Variants in NRG1 observed in about 807,000 individuals in gnomAD.
NRG1 encodes the protein neuregulin 1.
NRG1 carries 18 observed loss-of-function variants against 63.8 expected under a neutral mutation model. That is an observed-to-expected ratio of 0.28 (90% CI 0.19 to 0.42). The LOEUF (loss-of-function observed/expected upper bound fraction) is 0.42, where lower values mean the gene tolerates loss of function less well. Among genes scored for constraint, NRG1 ranks in the 10% least tolerant of loss-of-function variants. The probability of loss-of-function intolerance (pLI) is 1.00; values close to 1 mark genes in which losing one functional copy is unlikely to be tolerated. For missense variants in NRG1, 762 were observed against 814.7 expected, an observed-to-expected ratio of 0.94 and a Z score of 0.79; for synonymous variants, 302 against 301.3, an observed-to-expected ratio of 1.00 and a Z score of -0.02.
chr8:32,367,321 T>G (rs1808201015), intron 1 of NRG1, among the ~76,000 whole-genome samples: 1 of 152,218 alleles, frequency 6.6e-6, no homozygotes. Flanking sequence ...TTCTGTCTTT[T>G]TGATAATATC....
At chr8:32,422,966 C>T in intron 1 of NRG1, among the ~76,000 whole-genome samples, 1 of 152,230 alleles carries the variant, frequency 6.6e-6, no homozygotes, top group East Asian at 1.9e-4. Context: ...CATTTACACT[C>T]TCCATGTGTG....
At chr8:32,363,765 A>G (rs1365708633) in intron 1 of NRG1, among the ~76,000 whole-genome samples, 2 of 152,150 alleles carry the variant, frequency 1.3e-5, no homozygotes, top group Non-Finnish European at 2.9e-5. Flanking sequence ...AGAATAGTCG[A>G]AAACTTTAGA....
chr8:32,759,324 G>A (rs369756255), exon 10 of NRG1: 58 of 1,613,304 alleles, frequency 3.6e-5, no homozygotes, highest in Admixed American at 6.7e-5. Context: ...ATCTAAAAAC[G>A]TCATCTCCAG....
chr8:32,519,571 T>A (rs1046780220), intron 1 of NRG1, among the ~76,000 whole-genome samples: 6 of 152,106 alleles, frequency 3.9e-5, no homozygotes, highest in Non-Finnish European at 8.8e-5. Context: ...CAAACCAGAT[T>A]TCCCCTGGGA....
At position 32,637,535 on chromosome 8, in the gene NRG1, C is replaced by T. The variant is rs144872340; in HGVS notation, c.502+20650C>T. ...TCCAAATTAAAAGAGGATGTAACCT[C>T]GGCTTCCTGATTCCCAGATACTGAT... On this transcript the variant is annotated intron_variant, in intron 5 of 11. Transcript: ENST00000356819. 7.8e-3 allele frequency among the ~76,000 whole-genome samples: 1,180 copies of T among 152,206 alleles called. 6 individuals are homozygous for T. Among genetic ancestry groups the T allele is most frequent in the Middle Eastern group, 0.024 (7 of 294 alleles).
chr8:31,674,166 AT>A (rs1012132308), intron 1 of NRG1, among the ~76,000 whole-genome samples: 10 of 152,188 alleles, frequency 6.6e-5, no homozygotes, highest in Non-Finnish European at 1.2e-4. Context: ...CATTTTATTT[AT>A]CCATTTACCA....
At chr8:32,378,373 T>C (rs781538289) in intron 1 of NRG1, among the ~76,000 whole-genome samples, 2 of 152,134 alleles carry the variant, frequency 1.3e-5, no homozygotes, top group Non-Finnish European at 2.9e-5. Context: ...GGCGCTTCCA[T>C]TTACTCACTG....
At chr8:32,749,301 T>C (rs1828208996) in intron 7 of NRG1, 4 of 524,366 alleles carry the variant, frequency 7.6e-6, no homozygotes, top group Non-Finnish European at 1.3e-5. Context: ...AACTTCTCCC[T>C]CAGTAAGGTC....
At chr8:31,931,790 G>T in intron 1 of NRG1, among the ~76,000 whole-genome samples, 1 of 152,274 alleles carries the variant, frequency 6.6e-6, no homozygotes, top group African/African-American at 2.4e-5. Context: ...TGATGGTGGG[G>T]TCCAAGGGCA....
At chr8:32,273,226 C>T (rs1395929366) in intron 1 of NRG1, among the ~76,000 whole-genome samples, 1 of 152,052 alleles carries the variant, frequency 6.6e-6, no homozygotes, top group African/African-American at 2.4e-5. Flanking sequence ...GTTTGTTTTT[C>T]TTTCTGAGTC....
At chr8:32,170,228 G>A (rs928847479) in intron 1 of NRG1, among the ~76,000 whole-genome samples, 2 of 152,134 alleles carry the variant, frequency 1.3e-5, no homozygotes, top group Admixed American at 6.5e-5. Context: ...ACAAATCCTA[G>A]GAATTTGATA....
intron 1 of NRG1, among the ~76,000 whole-genome samples, chr8:31,906,006 A>G (rs1832490309): frequency 6.6e-6 from 1 of 152,234 alleles, no homozygotes. Context: ...ATTAGCCATT[A>G]GCCTTGTAAC....
intron 1 of NRG1, among the ~76,000 whole-genome samples, chr8:32,421,170 A>G (rs34645669): frequency 6.6e-6 from 1 of 152,168 alleles, no homozygotes; most frequent in Admixed American, 6.5e-5. Context: ...TGTGAAGTAC[A>G]ACAATTTTTT....
At chr8:32,269,299 G>A (rs1851305715) in intron 1 of NRG1, among the ~76,000 whole-genome samples, 1 of 152,104 alleles carries the variant, frequency 6.6e-6, no homozygotes, top group African/African-American at 2.4e-5. Context: ...TTTTTAAATA[G>A]GCTGATCAGT....
At chr8:32,087,618 GTGTGC>G (rs1828446215) in intron 1 of NRG1, among the ~76,000 whole-genome samples, 1 of 150,320 alleles carries the variant, frequency 6.7e-6, no homozygotes, top group South Asian at 2.1e-4. Flanking sequence ...CTACAGGTGC[GTGTGC>G]CCACGCCCAG....
intron 5 of NRG1, among the ~76,000 whole-genome samples, chr8:32,640,661 C>CAG (rs1299728300): frequency 2.1e-5 from 3 of 145,226 alleles, no homozygotes; most frequent in South Asian, 2.2e-4. Context: ...CACACACACA[C>CAG]AGAAACTAGT....
intron 1 of NRG1, among the ~76,000 whole-genome samples, chr8:32,092,368 G>A (rs1299896862): frequency 6.8e-6 from 1 of 146,950 alleles, no homozygotes; most frequent in African/African-American, 2.5e-5. Flanking sequence ...GAGGCAAGAG[G>A]ATTGCTTGAG....
chr8:32,039,794 C>T (rs1295072924), intron 1 of NRG1, among the ~76,000 whole-genome samples: 2 of 151,486 alleles, frequency 1.3e-5, no homozygotes, highest in African/African-American at 2.4e-5. Flanking sequence ...CAAGGCAGGA[C>T]GATCGCTTGA....
At chr8:31,939,284 G>A (rs1180524334) in intron 1 of NRG1, among the ~76,000 whole-genome samples, 2 of 152,046 alleles carry the variant, frequency 1.3e-5, no homozygotes, top group African/African-American at 4.8e-5. Context: ...ACAATTATTA[G>A]CCAAGAATTT....
Sources: allele counts gnomAD v4.1 joint callset (sites outside exome capture counted in the v4.1 genomes callset), GRCh38; gene constraint gnomAD v4.1.1; transcripts MANE v1.5; gene names NCBI Gene and HGNC (gene_info 2026-07-23, HGNC 2026-07-21).